Variants in PCDHGA3 observed in about 807,000 individuals in gnomAD.
PCDHGA3 encodes the protein protocadherin gamma subfamily A, 3, also known as protocadherin gamma-A3.
PCDHGA3 carries 40 observed loss-of-function variants against 58.5 expected under a neutral mutation model. That is an observed-to-expected ratio of 0.68 (90% CI 0.53 to 0.89). PCDHGA3 has a LOEUF of 0.89. Among genes scored for constraint, PCDHGA3 ranks in the 40% least tolerant of loss-of-function variants. The probability of loss-of-function intolerance (pLI) is 0.00; values close to 1 mark genes in which losing one functional copy is unlikely to be tolerated. For missense variants in PCDHGA3, 1,223 were observed against 1,195.9 expected, an observed-to-expected ratio of 1.02 and a Z score of -0.33; for synonymous variants, 530 against 525.7, an observed-to-expected ratio of 1.01 and a Z score of -0.11.
chr5:141,508,540 G>A (rs993826709), intron 3 of PCDHGA3, among the ~76,000 whole-genome samples: 3 of 152,144 alleles, frequency 2.0e-5, no homozygotes, highest in African/African-American at 4.8e-5. Flanking sequence ...CCCCCCACGA[G>A]GTGGGCGGGG....
rs1212478322 is a variant in PCDHGA3 at position 141,485,871 on chromosome 5, T to G, written c.2425-8936T>G. ...ACCGCAGAGCTCCGGGTATCCGTGC[T>G]GGACGTAAACGACAACGCCCCAGCC... On this transcript the variant is annotated intron_variant, in intron 1 of 3. Coordinates refer to ENST00000253812, the MANE Select transcript of PCDHGA3 (RefSeq NM_018916.4). The surrounding 1 kb of genome is among the most constrained non-coding windows in gnomAD (Gnocchi z 5.7). 6.2e-7 allele frequency: 1 copy of G among 1,614,196 alleles called. No homozygotes were observed. The highest frequency in any genetic ancestry group is 8.5e-7 in the Non-Finnish European group (1 of 1,180,032).
intron 1 of PCDHGA3, chr5:141,419,399 G>T (rs893535249): frequency 6.2e-7 from 1 of 1,613,470 alleles, no homozygotes. Context: ...GAGCGGGGTG[G>T]TGTTCGCGCA....
intron 3 of PCDHGA3, among the ~76,000 whole-genome samples, chr5:141,510,556 T>TA (rs2099881668): frequency 6.6e-6 from 1 of 152,178 alleles, no homozygotes; most frequent in African/African-American, 2.4e-5. Flanking sequence ...TTTGAGCACT[T>TA]ACATCTACCA....
chr5:141,362,172 G>T (rs576630104), intron 1 of PCDHGA3: 108 of 1,613,978 alleles, frequency 6.7e-5, no homozygotes, highest in Middle Eastern at 4.9e-4. Flanking sequence ...GCGACCGCCG[G>T]GAGCCCTCTG....
intron 1 of PCDHGA3, among the ~76,000 whole-genome samples, chr5:141,348,889 G>C (rs1758199499): frequency 6.6e-6 from 1 of 152,096 alleles, no homozygotes; most frequent in Non-Finnish European, 1.5e-5. Context: ...ATCTCATTTG[G>C]TAATGCATTT....
intron 1 of PCDHGA3, chr5:141,410,263 A>G (rs532833925): frequency 1.4e-5 from 22 of 1,613,876 alleles, no homozygotes; most frequent in African/African-American, 2.7e-5. Flanking sequence ...CCCAGGCTGA[A>G]CTGCAGTTTT....
rs771671580 is a variant in PCDHGA3, at chr5:141,345,549, TC to T, written c.1517del (p.Ser506LeufsTer12). The T allele has an allele frequency of 1.9e-6, 3 of 1,614,012 alleles. No individual in the cohort carries two copies. Among genetic ancestry groups the T allele is most frequent in the Non-Finnish European group, 1.7e-6 (2 of 1,180,034 alleles). ...GGGGGCGCCCCTGTCCTCCTTCGTC[TC>T]TATCAACTCCAACACTGGCGTCCTA... is the stretch of plus-strand genomic sequence containing the variant. ...LQGAPLSSFV[S>X]INSNTGVLYA... On this transcript the variant is annotated frameshift_variant, in exon 1 of 4. Coordinates refer to ENST00000253812, the MANE Select transcript of PCDHGA3 (RefSeq NM_018916.4). LOFTEE classifies it high-confidence loss of function.
At chr5:141,504,236 C>A (rs1011850372) in intron 2 of PCDHGA3, among the ~76,000 whole-genome samples, 2 of 152,194 alleles carry the variant, frequency 1.3e-5, no homozygotes, top group African/African-American at 4.8e-5. Flanking sequence ...TTCTAAGAAG[C>A]AGAGAGTTCT....
intron 1 of PCDHGA3, chr5:141,383,006 C>A (rs751850819): frequency 1.9e-6 from 3 of 1,613,640 alleles, no homozygotes; most frequent in Non-Finnish European, 2.5e-6. Context: ...TACTCCGTGT[C>A]GGAGGAGACG....
rs1252640351 is a variant in PCDHGA3, at chr5:141,347,133, T to TTCTC, written c.2424+680_2424+683dup. On this transcript the variant is annotated intron_variant, in intron 1 of 3. Coordinates refer to ENST00000253812, the MANE Select transcript of PCDHGA3 (RefSeq NM_018916.4). ...TTTCCTCCTTCCTTCCTTCCTCTGT[T>TTCTC]TCTCTCTTTCTTTCTTTCTTTCTTT... Among the ~76,000 whole-genome samples the TTCTC allele has an allele frequency of 7.5e-5, 10 of 134,130 alleles. No individual in the cohort carries two copies. In the South Asian group the frequency reaches 2.0e-3, roughly 27 times the overall value. The allele number at this position is 134,130 out of a possible 152,430, so 88.0% of individuals were successfully genotyped here.
intron 1 of PCDHGA3, chr5:141,376,418 C>G (rs1354597104): frequency 6.2e-7 from 1 of 1,614,230 alleles, no homozygotes; most frequent in Admixed American, 1.7e-5. Context: ...TGCCGACACG[C>G]TTATCAACCA....
At chr5:141,441,494 ACCAGG>A (rs1325946941) in intron 1 of PCDHGA3, 1 of 170,360 alleles carries the variant, frequency 5.9e-6, no homozygotes, top group Non-Finnish European at 1.3e-5. Flanking sequence ...CTGGTTTTCT[ACCAGG>A]CCTCCTACGT....
chr5:141,431,697 G>T lies in PCDHGA3; in HGVS notation c.2425-63110G>T, dbSNP rs1303639699. 6.2e-7 allele frequency: 1 copy of T among 1,614,206 alleles called. No homozygotes were observed. Among genetic ancestry groups the T allele is most frequent in the Admixed American group, 1.7e-5 (1 of 60,024 alleles). ...GGGGAGTTGGACCACGAGGAGTCAG[G>T]ATTCTACCAGATGGAAGTGCAAGCA... On this transcript the variant is annotated intron_variant, in intron 1 of 3. Transcript: ENST00000253812. This position sits in a 1 kb window ranked among gnomAD's most constrained non-coding sequence, Gnocchi z 4.8.
At chr5:141,350,359 C>T (rs978022862) in intron 1 of PCDHGA3, 1 of 1,570,278 alleles carries the variant, frequency 6.4e-7, no homozygotes, top group Non-Finnish European at 8.6e-7. Flanking sequence ...AGATCCGATA[C>T]ACGATTCCAG....
chr5:141,478,352 G>T lies in PCDHGA3; in HGVS notation c.2425-16455G>T, dbSNP rs767743120. 36 of 1,613,674 alleles carry T rather than the reference G, an allele frequency of 2.2e-5. No homozygotes were observed. Among genetic ancestry groups the T allele is most frequent in the Non-Finnish European group, 3.1e-5 (36 of 1,180,016 alleles). On this transcript the variant is annotated intron_variant, in intron 1 of 3. Transcript: ENST00000253812. ...ACCAGGGCCCTCCTTGCACGCGGACGCCGTGCGGGGAGGCCTGATGTCGCC... is the reference window on the plus strand; with the variant it reads ...ACCAGGGCCCTCCTTGCACGCGGACTCCGTGCGGGGAGGCCTGATGTCGCC...
intron 2 of PCDHGA3, among the ~76,000 whole-genome samples, chr5:141,498,967 G>A (rs896386012): frequency 1.5e-5 from 2 of 129,584 alleles, no homozygotes. Context: ...GAGGGAGGGA[G>A]GGAGGGAAGG....
At chr5:141,357,102 C>G (rs550336095) in intron 1 of PCDHGA3, 1 of 1,613,864 alleles carries the variant, frequency 6.2e-7, no homozygotes, top group Non-Finnish European at 8.5e-7. Context: ...CCCTGCTGGA[C>G]AGAGACGCGC....
In PCDHGA3 at chr5:141,393,531, C is replaced by T. The variant is rs997965420; in HGVS notation, c.2424+47074C>T. On this transcript the variant is annotated intron_variant, in intron 1 of 3. Transcript: ENST00000253812. ...AGTGTTGGATACAAATGACAATGCC[C>T]CGGTTTTTCCTCACCCGATTTACCG... 4 of 1,613,890 alleles carry T rather than the reference C, an allele frequency of 2.5e-6. No individual in the cohort carries two copies. Among genetic ancestry groups the T allele is most frequent in the African/African-American group, 2.7e-5 (2 of 74,946 alleles).
chr5:141,356,222 A>G (rs759995020), intron 1 of PCDHGA3: 1 of 1,598,310 alleles, frequency 6.3e-7, no homozygotes, highest in South Asian at 1.1e-5. Context: ...CTGGATGAAA[A>G]TGACAACGCA....
Sources: allele counts gnomAD v4.1 joint callset (sites outside exome capture counted in the v4.1 genomes callset), GRCh38; gene constraint gnomAD v4.1.1; non-coding constraint Gnocchi (gnomAD v3.1); transcripts MANE v1.5; gene names NCBI Gene and HGNC (gene_info 2026-07-23, HGNC 2026-07-21).